The following BCAS3 variants were observed in gnomAD, a reference collection of about 807,000 sequenced individuals.
BCAS3 encodes the protein BCAS4/BCAS3 fusion.
Under a neutral mutation model 116.1 loss-of-function variants are expected in BCAS3, and 53 were observed. That is an observed-to-expected ratio of 0.46 (90% CI 0.37 to 0.57). The LOEUF (loss-of-function observed/expected upper bound fraction) is 0.57, where lower values mean the gene tolerates loss of function less well. BCAS3 is among the 20% of genes least tolerant of loss of function. The pLI is 0.00. For synonymous variants in BCAS3, 391 were observed against 408.2 expected, an observed-to-expected ratio of 0.96 and a Z score of 0.51; for missense variants, 917 against 1,165.4, an observed-to-expected ratio of 0.79 and a Z score of 3.10.
chr17:60,914,355 G>T (rs1233426475), intron 12 of BCAS3, among the ~76,000 whole-genome samples: 1 of 152,144 alleles, frequency 6.6e-6, no homozygotes, highest in Non-Finnish European at 1.5e-5. Context: ...AACATTCAAA[G>T]AATCTTACGT....
In BCAS3 at chr17:61,392,288, C is replaced by A; in HGVS notation, c.*163C>A. 1 of 827,740 alleles carries A rather than the reference C, an allele frequency of 1.2e-6. No homozygotes were observed. 51.3% of individuals were successfully genotyped at this position (827,740 alleles called of 1,614,324 possible). A position where few individuals can be genotyped will look rare whatever the true frequency, so the allele number is the denominator to read the frequency against. On this transcript the variant is annotated 3_prime_UTR_variant, in exon 24 of 24. Coordinates refer to ENST00000407086, the MANE Select transcript of BCAS3 (RefSeq NM_017679.5). The surrounding 1 kb of genome is among the most constrained non-coding windows in gnomAD (Gnocchi z 6.4). ...ATCCTACCTGGATGGAGAAGAGACC[C>A]TTCTCCAAGCACCTCAGCGCACTTG...
chr17:61,234,783 GAA>G (rs71148395), intron 22 of BCAS3, among the ~76,000 whole-genome samples: 20,374 of 142,642 alleles, frequency 0.14, 1,406 homozygotes, highest in African/African-American at 0.16. Context: ...GCTTTTTCCA[GAA>G]AAAAAAAAAA....
rs1281286273 is a variant in BCAS3 at position 61,376,399 on chromosome 17, T to C, written c.2593+7905T>C. Among the ~76,000 whole-genome samples the C allele has an allele frequency of 6.6e-6, 1 of 152,162 alleles. No individual in the cohort carries two copies. Among genetic ancestry groups the C allele is most frequent in the Admixed American group, 6.5e-5 (1 of 15,270 alleles). On this transcript the variant is annotated intron_variant, in intron 23 of 23. Transcript: ENST00000407086. This position sits in a 1 kb window ranked among gnomAD's most constrained non-coding sequence, Gnocchi z 4.5. The stretch of plus-strand genomic sequence containing the variant: ...CTACCACACACAACCACCAAGCTGC[T>C]TTGATCTTTCCAGAGAATCTTCTCT...
At chr17:60,910,281 T>A (rs1451112411) in intron 11 of BCAS3, among the ~76,000 whole-genome samples, 2 of 152,208 alleles carry the variant, frequency 1.3e-5, no homozygotes, top group Non-Finnish European at 2.9e-5. Context: ...TTAATTTTTT[T>A]AACTATGGCT....
At chr17:60,882,551 C>G (rs1165415574) in intron 9 of BCAS3, among the ~76,000 whole-genome samples, 1 of 152,184 alleles carries the variant, frequency 6.6e-6, no homozygotes, top group Non-Finnish European at 1.5e-5. Flanking sequence ...CCTAGGTTCT[C>G]TTCTAGGGTT....
At chr17:61,371,368 A>AG (rs1197224387) in intron 23 of BCAS3, among the ~76,000 whole-genome samples, 3 of 152,230 alleles carry the variant, frequency 2.0e-5, no homozygotes, top group Non-Finnish European at 4.4e-5. Context: ...GCTGTACCCT[A>AG]GGGCAGGTCA....
At chr17:61,147,496 T>C (rs571356570) in intron 22 of BCAS3, among the ~76,000 whole-genome samples, 1 of 152,350 alleles carries the variant, frequency 6.6e-6, no homozygotes, top group East Asian at 1.9e-4. Context: ...GTGCTGGGAT[T>C]ACAGGTGTGC....
chr17:61,008,333 C>A lies in BCAS3; in HGVS notation c.1487-7418C>A, dbSNP rs2064862984. On this transcript the variant is annotated intron_variant, in intron 15 of 23. Transcript: ENST00000407086. This position sits in a 1 kb window ranked among gnomAD's most constrained non-coding sequence, Gnocchi z 4.6. The stretch of plus-strand genomic sequence containing the variant: ...GAAGAGAGAGATGGAGAGAGAGACA[C>A]ACACTCCCATCCCAACCAAAAATAA... 6.6e-6 allele frequency among the ~76,000 whole-genome samples: 1 copy of A among 152,062 alleles called. No individual in the cohort carries two copies. The highest frequency in any genetic ancestry group is 2.4e-5 in the African/African-American group (1 of 41,430).
rs988744892 is a variant in BCAS3 at position 60,716,159 on chromosome 17, C to T, written c.321+6834C>T. On this transcript the variant is annotated intron_variant, in intron 5 of 23. Coordinates refer to ENST00000407086, the MANE Select transcript of BCAS3 (RefSeq NM_017679.5). ...TACAGGCGTGAGCCACCGCGCACAG[C>T]CACGAACTATGAAGATTTAAACGGT... 8.5e-5 allele frequency among the ~76,000 whole-genome samples: 13 copies of T among 152,304 alleles called. No homozygotes were observed. The South Asian group carries it at 2.5e-3, about 29-fold the overall frequency.
intron 6 of BCAS3, among the ~76,000 whole-genome samples, chr17:60,769,772 T>A (rs9897979): frequency 0.28 from 42,113 of 151,968 alleles, 11,461 homozygotes; most frequent in African/African-American, 0.71. Context: ...TAATTTTTTT[T>A]AATTTTTTTT....
chr17:60,749,293 C>A (rs1247282942), intron 6 of BCAS3, among the ~76,000 whole-genome samples: 1 of 152,198 alleles, frequency 6.6e-6, no homozygotes, highest in Non-Finnish European at 1.5e-5. Context: ...ATTTCGAAGG[C>A]ATTGGTGTAA....
At chr17:60,727,427 T>C in intron 5 of BCAS3, 1 of 1,599,134 alleles carries the variant, frequency 6.3e-7, no homozygotes, top group Admixed American at 1.7e-5. Context: ...TTTGTGAGGC[T>C]GATGCTTGCC....
intron 19 of BCAS3, chr17:61,069,992 G>A (rs906546841): frequency 3.1e-6 from 5 of 1,589,178 alleles, no homozygotes; most frequent in South Asian, 2.2e-5. Flanking sequence ...AAGAAGATCC[G>A]CACGTCACCC....
chr17:60,685,981 T>G (rs750273626), intron 3 of BCAS3, among the ~76,000 whole-genome samples: 1 of 151,950 alleles, frequency 6.6e-6, no homozygotes, highest in Non-Finnish European at 1.5e-5. Flanking sequence ...GCCATTCTGC[T>G]GCCTCAGCCT....
At position 60,857,874 on chromosome 17, in the gene BCAS3, G is replaced by C. The variant is rs543055372; in HGVS notation, c.477-10702G>C. Among the ~76,000 whole-genome samples, 7 of 152,234 alleles carry C rather than the reference G, an allele frequency of 4.6e-5. 1 individual carries two copies. The South Asian group carries it at 1.5e-3, about 32-fold the overall frequency. On this transcript the variant is annotated intron_variant, in intron 7 of 23. Coordinates refer to ENST00000407086, the MANE Select transcript of BCAS3 (RefSeq NM_017679.5). ...ATAGTTTATGGTTCTGACAAATTTT[G>C]TTCAGTTATCTATAAACTGAGCTTT... is the stretch of plus-strand genomic sequence containing the variant.
chr17:60,873,034 TATAAC>T (rs763932963), intron 8 of BCAS3, among the ~76,000 whole-genome samples: 34 of 152,246 alleles, frequency 2.2e-4, no homozygotes, highest in Middle Eastern at 3.4e-3. Flanking sequence ...ATTAAGTTGA[TATAAC>T]ATGTAGGCAA....
rs1275473181 is a variant in BCAS3 at position 61,083,674 on chromosome 17, CA to C, written c.2328-791del. On this transcript the variant is annotated intron_variant, in intron 21 of 23. Transcript: ENST00000407086. The surrounding 1 kb of genome is among the most constrained non-coding windows in gnomAD (Gnocchi z 4.9). ...GCAGTGGCACGATCTTGGCTCATTG[CA>C]ACCTCTGGTTTTTGGGTTCCAGCAG... Among the ~76,000 whole-genome samples, 2 of 150,800 alleles carry C rather than the reference CA, an allele frequency of 1.3e-5. No individual in the cohort carries two copies. The highest frequency in any genetic ancestry group is 2.9e-5 in the Non-Finnish European group (2 of 67,898).
At chr17:60,947,590 G>A (rs1421581581) in intron 14 of BCAS3, among the ~76,000 whole-genome samples, 1 of 152,084 alleles carries the variant, frequency 6.6e-6, no homozygotes, top group African/African-American at 2.4e-5. Flanking sequence ...CAGTAGGGCT[G>A]TTTATCCTGC....
chr17:60,889,798 T>C, intron 10 of BCAS3, 27 bp downstream of exon 10: 2 of 1,578,190 alleles, frequency 1.3e-6, no homozygotes, highest in Non-Finnish European at 1.7e-6. Context: ...GTTTGGATTA[T>C]TTGTAATGGA....
Sources: allele counts gnomAD v4.1 joint callset (sites outside exome capture counted in the v4.1 genomes callset), GRCh38; gene constraint gnomAD v4.1.1; non-coding constraint Gnocchi (gnomAD v3.1); transcripts MANE v1.5; gene names NCBI Gene and HGNC (gene_info 2026-07-23, HGNC 2026-07-21).